The following STAM2 variants were observed in gnomAD, a reference collection of about 807,000 sequenced individuals.
The protein encoded by STAM2 is signal transducing adaptor molecule 2.
In STAM2, 51 loss-of-function variants were observed where a neutral mutation model predicts 65.6. That is an observed-to-expected ratio of 0.78 (90% CI 0.62 to 0.98). The LOEUF (loss-of-function observed/expected upper bound fraction) is 0.98. STAM2 is among the 50% of genes least tolerant of loss of function. STAM2 has a pLI of 0.00. For synonymous variants in STAM2, 198 were observed against 208.4 expected (o/e 0.95, Z 0.43); for missense variants, 584 against 617.8 (o/e 0.95, Z 0.58).
intron 11 of STAM2, 169 bp downstream of exon 11, chr2:152,131,945 C>T (rs1256557081): frequency 4.1e-5 from 23 of 563,118 alleles, no homozygotes; most frequent in Non-Finnish European, 6.2e-5. Flanking sequence ...AAAACAAAAA[C>T]AAGATAAAAA....
intron 1 of STAM2, among the ~76,000 whole-genome samples, chr2:152,168,428 G>C (rs1489748990): frequency 6.6e-6 from 1 of 152,056 alleles, no homozygotes; most frequent in African/African-American, 2.4e-5. Context: ...AAAGTGCTGG[G>C]ATTATAGGCA....
chr2:152,148,316 G>A lies in STAM2; in HGVS notation c.126-16C>T, dbSNP rs1689374960. The A allele has an allele frequency of 2.6e-6, 4 of 1,537,548 alleles. No individual in the cohort carries two copies. The highest frequency in any genetic ancestry group is 2.7e-6 in the Non-Finnish European group (3 of 1,123,048). ...ATCTTTCGCTCTAAAAAAAAAAAGA[G>A]AGAGAGAGACAGTTAAGTATTTACT... On this transcript the variant is annotated splice_polypyrimidine_tract_variant and intron_variant, in intron 2 of 13. Coordinates refer to ENST00000263904, the MANE Select transcript of STAM2 (RefSeq NM_005843.6).
intron 1 of STAM2, among the ~76,000 whole-genome samples, chr2:152,165,974 G>A (rs979500124): frequency 1.1e-4 from 16 of 152,128 alleles, no homozygotes; most frequent in Non-Finnish European, 1.0e-4. Context: ...AGGTCAAGGC[G>A]GGCGGATTAC....
intron 1 of STAM2, among the ~76,000 whole-genome samples, chr2:152,171,090 T>C (rs554184250): frequency 1.6e-3 from 240 of 152,308 alleles, no homozygotes; most frequent in African/African-American, 5.5e-3. Flanking sequence ...ATATAGTATA[T>C]TTGTAAGTGT....
At chr2:152,151,986 C>G (rs1048839387) in intron 1 of STAM2, among the ~76,000 whole-genome samples, 1 of 152,156 alleles carries the variant, frequency 6.6e-6, no homozygotes, top group Non-Finnish European at 1.5e-5. Context: ...GTTGCCCAGG[C>G]TGGTGTGCAG....
chr2:152,149,687 G>A (rs931817269), intron 2 of STAM2, among the ~76,000 whole-genome samples: 1 of 151,962 alleles, frequency 6.6e-6, no homozygotes, highest in African/African-American at 2.4e-5. Context: ...TAGTAGAGAT[G>A]GGGTTTCACC....
At chr2:152,138,281 T>C (rs1325737219) in intron 7 of STAM2, among the ~76,000 whole-genome samples, 1 of 152,124 alleles carries the variant, frequency 6.6e-6, no homozygotes, top group Admixed American at 6.5e-5. Flanking sequence ...CAAATAATTT[T>C]ATAATTTAAT....
chr2:152,129,843 T>A (rs142557242), intron 11 of STAM2, among the ~76,000 whole-genome samples: 1 of 152,348 alleles, frequency 6.6e-6, no homozygotes, highest in South Asian at 2.1e-4. Context: ...CTCTAAAATA[T>A]GGCAAAACTA....
chr2:152,148,832 A>G (rs1217913954), intron 2 of STAM2, among the ~76,000 whole-genome samples: 1 of 152,202 alleles, frequency 6.6e-6, no homozygotes, highest in East Asian at 1.9e-4. Flanking sequence ...TTAAGAGACA[A>G]ACCATTTCAC....
chr2:152,147,358 A>G lies in STAM2; in HGVS notation c.301-50T>C, dbSNP rs745975614. The G allele has an allele frequency of 6.2e-6, 9 of 1,457,708 alleles. No homozygotes were observed. The South Asian group carries it at 1.3e-4, about 21-fold the overall frequency. 90.3% of individuals were successfully genotyped at this position (1,457,708 alleles called of 1,614,324 possible). ...TAAACAAAAATCTACGGTTAAAATAAGTACTTAAATTATTTAACAAGGAGA... is the reference window on the plus strand; with the variant it reads ...TAAACAAAAATCTACGGTTAAAATAGGTACTTAAATTATTTAACAAGGAGA... On this transcript the variant is annotated intron_variant, in intron 4 of 13. Transcript: ENST00000263904.
intron 13 of STAM2, among the ~76,000 whole-genome samples, chr2:152,121,919 G>A (rs141053230): frequency 0.019 from 2,876 of 151,868 alleles, 96 homozygotes; most frequent in African/African-American, 0.066. Context: ...GTGGTGGCAC[G>A]CGCCTGTAGT....
At position 152,120,259 on chromosome 2, in the gene STAM2, ATC is replaced by A. The variant is rs1560207579; in HGVS notation, c.*313_*314del. 3 of 303,592 alleles carry A rather than the reference ATC, an allele frequency of 9.9e-6. No individual in the cohort carries two copies. Among genetic ancestry groups the A allele is most frequent in the African/African-American group, 6.5e-5 (3 of 46,348 alleles). The allele number at this position is 303,592 out of a possible 1,614,324, so 18.8% of individuals were successfully genotyped here. The stretch of plus-strand genomic sequence containing the variant: ...GTGACAGAGCGAGTTTGTCATAAGT[ATC>A]TCATACTGTTTGTCATAAGGCTACT... On this transcript the variant is annotated 3_prime_UTR_variant, in exon 14 of 14. Transcript: ENST00000263904.
chr2:152,132,915 CT>C (rs1689090553), intron 10 of STAM2, among the ~76,000 whole-genome samples: 1 of 151,944 alleles, frequency 6.6e-6, no homozygotes, highest in Non-Finnish European at 1.5e-5. Flanking sequence ...TAATTCTGTC[CT>C]TTTTTGGACT....
At chr2:152,144,099 T>C in intron 6 of STAM2, 86 bp from the exon 7 acceptor site, 4 of 1,180,504 alleles carry the variant, frequency 3.4e-6, no homozygotes, top group Non-Finnish European at 4.6e-6. Context: ...TTAATAAGAA[T>C]AAATCAAGCA....
intron 11 of STAM2, among the ~76,000 whole-genome samples, chr2:152,128,165 T>G (rs1271971317): frequency 6.6e-6 from 1 of 152,156 alleles, no homozygotes; most frequent in Non-Finnish European, 1.5e-5. Context: ...CCCAGCACTT[T>G]GGGAGGCCGA....
At chr2:152,143,115 T>C (rs986208130) in intron 7 of STAM2, among the ~76,000 whole-genome samples, 4 of 152,236 alleles carry the variant, frequency 2.6e-5, no homozygotes, top group African/African-American at 9.6e-5. Context: ...TATTAAATAG[T>C]TGATTACATA....
Position 152,159,094 on chromosome 2 carries a change from C to CATATATAT in STAM2, c.41-8873_41-8866dup, listed in dbSNP as rs10524193. 8.1e-4 allele frequency among the ~76,000 whole-genome samples: 83 copies of CATATATAT among 103,016 alleles called. 1 individual carries two copies. The East Asian group carries it at 0.011, about 13-fold the overall frequency. 67.6% of individuals were successfully genotyped at this position (103,016 alleles called of 152,430 possible). A position where few individuals can be genotyped will look rare whatever the true frequency, so the allele number is the denominator to read the frequency against. On this transcript the variant is annotated intron_variant, in intron 1 of 13. Coordinates refer to ENST00000263904, the MANE Select transcript of STAM2 (RefSeq NM_005843.6). ...CAAGAAAAGCTAGCCAAAAAAAAAC[C>CATATATAT]ATATATATATATATATACACACACA... is the stretch of plus-strand genomic sequence containing the variant.
chr2:152,175,757 T>A lies in STAM2; in HGVS notation c.-115A>T. On this transcript the variant is annotated 5_prime_UTR_variant, in exon 1 of 14. Coordinates refer to ENST00000263904, the MANE Select transcript of STAM2 (RefSeq NM_005843.6). The stretch of plus-strand genomic sequence containing the variant: ...ACCGCTCCGCTTCGGCCTCCGTCCC[T>A]GCACTTCCGCCACCGCACCTGCCCG... 1 of 1,127,122 alleles carries A rather than the reference T, an allele frequency of 8.9e-7. No individual in the cohort carries two copies. Among genetic ancestry groups the A allele is most frequent in the South Asian group, 1.3e-5 (1 of 74,480 alleles). The allele number at this position is 1,127,122 out of a possible 1,614,324, so 69.8% of individuals were successfully genotyped here.
At position 152,126,210 on chromosome 2, in the gene STAM2, CA is replaced by C; in HGVS notation, c.1179+15del. 1.3e-6 allele frequency: 2 copies of C among 1,552,146 alleles called. No homozygotes were observed. The highest frequency in any genetic ancestry group is 1.7e-6 in the Non-Finnish European group (2 of 1,154,704). On this transcript the variant is annotated intron_variant, in intron 12 of 13. Transcript: ENST00000263904. Reference sequence around the variant, plus strand: ...TTGTTTATAATTTAGAAAATGTTCTCAAAAAACATGCTCACCTGCATTGGAA... The same window carrying C: ...TTGTTTATAATTTAGAAAATGTTCTCAAAAACATGCTCACCTGCATTGGAA...
Sources: gnomAD v4.1 joint callset for allele counts (sites outside exome capture counted in the v4.1 genomes callset) on GRCh38, gnomAD v4.1.1 for gene constraint, MANE v1.5 for transcripts, NCBI Gene and HGNC (gene_info 2026-07-23, HGNC 2026-07-21) for gene names.